The following EYS variants were observed in gnomAD, a reference collection of about 807,000 sequenced individuals.
EYS encodes EGF-like photoreceptor maintenance factor.
A neutral mutation model predicts 282.1 loss-of-function variants in EYS; 250 were observed. The ratio of observed to expected loss-of-function variants is 0.89; its 90% confidence interval spans 0.80 to 0.98. The LOEUF (loss-of-function observed/expected upper bound fraction) is 0.98. Ranked by LOEUF, EYS falls within the 50% of genes least tolerant of loss-of-function variation. EYS has a pLI of 0.00. For missense variants in EYS, 4,016 were observed against 3,709.0 expected, an observed-to-expected ratio of 1.08 and a Z score of -2.15; for synonymous variants, 1,355 against 1,282.9, an observed-to-expected ratio of 1.06 and a Z score of -1.20.
intron 28 of EYS, among the ~76,000 whole-genome samples, chr6:64,393,322 C>A (rs1362208258): frequency 2.6e-5 from 4 of 151,936 alleles, no homozygotes; most frequent in African/African-American, 9.7e-5. Flanking sequence ...GGCAGAGATA[C>A]AACAAAAAAA....
At chr6:65,404,096 A>G (rs2150364805) in intron 6 of EYS, among the ~76,000 whole-genome samples, 1 of 152,204 alleles carries the variant, frequency 6.6e-6, no homozygotes, top group African/African-American at 2.4e-5. Flanking sequence ...TAGGCTCTAC[A>G]GGAAAATGTT....
intron 28 of EYS, among the ~76,000 whole-genome samples, chr6:64,395,657 T>C (rs915460195): frequency 1.4e-5 from 2 of 143,380 alleles, no homozygotes; most frequent in African/African-American, 5.1e-5. Context: ...GGGGGAGGGA[T>C]AGCATTGGCA....
At chr6:65,347,544 A>T (rs994592518) in intron 9 of EYS, among the ~76,000 whole-genome samples, 6 of 137,128 alleles carry the variant, frequency 4.4e-5, no homozygotes, top group African/African-American at 1.6e-4. Context: ...ATTAACTATA[A>T]ACATCTTCCC....
rs982748352 is a variant in EYS at position 65,691,679 on chromosome 6, T to C, written c.-448+15456A>G. Among the ~76,000 whole-genome samples, 7 of 150,404 alleles carry C rather than the reference T, an allele frequency of 4.7e-5. 2 individuals carry two copies. Among genetic ancestry groups the C allele is most frequent in the Non-Finnish European group, 7.4e-5 (5 of 67,734 alleles). On this transcript the variant is annotated intron_variant, in intron 1 of 42. Coordinates refer to ENST00000503581, the MANE Select transcript of EYS (RefSeq NM_001142800.2). ...GCCCATGCCTATGTCCTGAATGGTATTGCCTAGGTTTTCTTCTAGGGCTTT... is the reference window on the plus strand; with the variant it reads ...GCCCATGCCTATGTCCTGAATGGTACTGCCTAGGTTTTCTTCTAGGGCTTT...
intron 1 of EYS, among the ~76,000 whole-genome samples, chr6:65,667,963 A>G (rs1389711339): frequency 6.6e-6 from 1 of 151,896 alleles, no homozygotes; most frequent in African/African-American, 2.4e-5. Context: ...TGTATTGTAC[A>G]ACAGCAACTG....
At chr6:64,090,140 A>G (rs1338093203) in intron 31 of EYS, among the ~76,000 whole-genome samples, 1 of 152,138 alleles carries the variant, frequency 6.6e-6, no homozygotes, top group Non-Finnish European at 1.5e-5. Context: ...CAAGAAAGGT[A>G]TGAAAAACTA....
chr6:64,817,697 T>G lies in EYS; in HGVS notation c.3243+3948A>C, dbSNP rs1404900671. ...TAGCTGTCACTTATAAGTGAGAACA[T>G]ATGGTATTTGTTTTTCTGTTCCTGC... is the stretch of plus-strand genomic sequence containing the variant. On this transcript the variant is annotated intron_variant, in intron 21 of 42. Transcript: ENST00000503581. 3.9e-5 allele frequency among the ~76,000 whole-genome samples: 6 copies of G among 152,298 alleles called. No homozygotes were observed. In the South Asian group the frequency reaches 1.2e-3, roughly 32 times the overall value.
At chr6:65,508,264 G>A (rs1373194634) in intron 2 of EYS, among the ~76,000 whole-genome samples, 1 of 152,098 alleles carries the variant, frequency 6.6e-6, no homozygotes, top group Non-Finnish European at 1.5e-5. Flanking sequence ...GGCTCTGTTG[G>A]TTTGATGGTA....
intron 12 of EYS, among the ~76,000 whole-genome samples, chr6:65,288,945 A>G (rs1277930140): frequency 6.6e-6 from 1 of 151,092 alleles, no homozygotes; most frequent in East Asian, 1.9e-4. Flanking sequence ...AAGTGTTAAT[A>G]TCAATAAAGG....
At chr6:63,917,094 G>T (rs1169206500) in intron 35 of EYS, among the ~76,000 whole-genome samples, 1 of 152,250 alleles carries the variant, frequency 6.6e-6, no homozygotes, top group Non-Finnish European at 1.5e-5. Flanking sequence ...TTTGTGTTAT[G>T]AAATTCCTTG....
At chr6:65,638,775 G>A (rs1464001679) in intron 2 of EYS, among the ~76,000 whole-genome samples, 3 of 152,212 alleles carry the variant, frequency 2.0e-5, no homozygotes, top group Non-Finnish European at 4.4e-5. Context: ...CTTGGCCGGC[G>A]TGGGATCCTA....
rs534435334 is a variant in EYS, at chr6:64,122,444, G to A, written c.6425-40442C>T. ...TTTTCTAAGGCTACTATTCACTGAT[G>A]TGAATAAATATACCTAATACGAATA... On this transcript the variant is annotated intron_variant, in intron 31 of 42. Coordinates refer to ENST00000503581, the MANE Select transcript of EYS (RefSeq NM_001142800.2). Among the ~76,000 whole-genome samples the A allele has an allele frequency of 1.6e-4, 24 of 152,192 alleles. 1 individual carries two copies. The South Asian group carries it at 5.0e-3, about 32-fold the overall frequency.
intron 12 of EYS, among the ~76,000 whole-genome samples, chr6:65,129,896 T>A (rs1168289419): frequency 1.3e-5 from 2 of 151,798 alleles, no homozygotes; most frequent in Non-Finnish European, 2.9e-5. Context: ...ATTAAAGCCA[T>A]GAAATTAACC....
chr6:64,357,058 CAG>C (rs1458213424), intron 29 of EYS, among the ~76,000 whole-genome samples: 1 of 151,582 alleles, frequency 6.6e-6, no homozygotes, highest in Non-Finnish European at 1.5e-5. Flanking sequence ...TTTCTGCAGA[CAG>C]AGTCAATTTG....
At chr6:64,470,286 G>A (rs1343469069) in intron 26 of EYS, among the ~76,000 whole-genome samples, 1 of 151,776 alleles carries the variant, frequency 6.6e-6, no homozygotes, top group Non-Finnish European at 1.5e-5. Context: ...AGGAAATTCT[G>A]GAAAAATAAT....
At chr6:65,034,623 G>A (rs937002848) in intron 13 of EYS, among the ~76,000 whole-genome samples, 2 of 152,046 alleles carry the variant, frequency 1.3e-5, no homozygotes, top group Admixed American at 6.6e-5. Context: ...CCACCTTCAA[G>A]TTCTTCCATA....
At chr6:64,759,174 C>T (rs983610625) in intron 22 of EYS, among the ~76,000 whole-genome samples, 1 of 151,674 alleles carries the variant, frequency 6.6e-6, no homozygotes, top group Non-Finnish European at 1.5e-5. Context: ...AAAAATTAGT[C>T]TGAAGTTGTA....
intron 22 of EYS, among the ~76,000 whole-genome samples, chr6:64,798,610 T>TG (rs1208424717): frequency 6.8e-6 from 1 of 146,530 alleles, no homozygotes; most frequent in African/African-American, 2.5e-5. Flanking sequence ...GTTTCTGGTT[T>TG]TTTTTTTTTT....
chr6:65,041,644 C>T (rs1399102847), intron 13 of EYS, among the ~76,000 whole-genome samples: 1 of 151,654 alleles, frequency 6.6e-6, no homozygotes, highest in African/African-American at 2.4e-5. Flanking sequence ...GTCCCATCGT[C>T]AACTCATCTC....
Sources: allele counts gnomAD v4.1 joint callset (sites outside exome capture counted in the v4.1 genomes callset), GRCh38; gene constraint gnomAD v4.1.1; transcripts MANE v1.5; gene names NCBI Gene and HGNC (gene_info 2026-07-23, HGNC 2026-07-21).